Variants in CMTR1 observed in about 807,000 individuals in gnomAD.
CMTR1 encodes the protein cap methyltransferase 1.
Under a neutral mutation model 107.0 loss-of-function variants are expected in CMTR1, and 39 were observed. That is an observed-to-expected ratio of 0.36 (90% CI 0.28 to 0.48). The LOEUF (loss-of-function observed/expected upper bound fraction) is 0.48. Ranked by LOEUF, CMTR1 falls within the 20% of genes least tolerant of loss-of-function variation. CMTR1 has a pLI of 0.99. For synonymous variants in CMTR1, 366 were observed against 379.5 expected (o/e 0.96, Z 0.41); for missense variants, 672 against 1,064.9 (o/e 0.63, Z 5.14).
At chr6:37,451,707 C>A in intron 5 of CMTR1, 99 bp from the exon 6 acceptor site, 1 of 820,634 alleles carries the variant, frequency 1.2e-6, no homozygotes, top group Non-Finnish European at 2.0e-6. Context: ...AGAACCAAGT[C>A]CCTTCTTGCT....
In CMTR1 at chr6:37,462,638, A is replaced by G. The variant is rs370685612; in HGVS notation, c.1326-191A>G. Among the ~76,000 whole-genome samples, 5 of 152,320 alleles carry G rather than the reference A, an allele frequency of 3.3e-5. No homozygotes were observed. The East Asian group carries it at 9.6e-4, about 29-fold the overall frequency. On this transcript the variant is annotated intron_variant, in intron 12 of 23. Coordinates refer to ENST00000373451, the MANE Select transcript of CMTR1 (RefSeq NM_015050.3). ...TAGGAACTACTGCGATAGAGAGTAG[A>G]AATAGAGCTCAACAGAGAAGGATTT... is the stretch of plus-strand genomic sequence containing the variant.
intron 13 of CMTR1, among the ~76,000 whole-genome samples, chr6:37,463,576 G>A (rs1297013823): frequency 6.6e-6 from 1 of 152,038 alleles, no homozygotes; most frequent in Non-Finnish European, 1.5e-5. Context: ...GCAGGCCTTT[G>A]AAAAAAGTGT....
chr6:37,468,464 C>T (rs1761554483), intron 13 of CMTR1, among the ~76,000 whole-genome samples: 1 of 152,152 alleles, frequency 6.6e-6, no homozygotes, highest in Admixed American at 6.5e-5. Flanking sequence ...TTCTGGTGTT[C>T]TTCATTCCTT....
chr6:37,426,654 T>A, the CMTR1 span, among the ~76,000 whole-genome samples: 1 of 151,990 alleles, frequency 6.6e-6, no homozygotes, highest in Non-Finnish European at 1.5e-5. Flanking sequence ...CCACCTCAGC[T>A]TCCCAAGTAG....
rs1227991928 is a variant in CMTR1 at position 37,471,837 on chromosome 6, A to G, written c.1563-10A>G. On this transcript the variant is annotated splice_polypyrimidine_tract_variant and intron_variant, in intron 14 of 23. Transcript: ENST00000373451. ...GAGATTTTAATCACTAACTGGCTTCATATTCCCAGGACACTGAGTGAGCCT... is the reference window on the plus strand; with the variant it reads ...GAGATTTTAATCACTAACTGGCTTCGTATTCCCAGGACACTGAGTGAGCCT... The G allele has an allele frequency of 1.2e-6, 2 of 1,613,648 alleles. No homozygotes were observed. Among genetic ancestry groups the G allele is most frequent in the South Asian group, 1.1e-5 (1 of 91,028 alleles).
In CMTR1 at chr6:37,446,467, G is replaced by C; in HGVS notation, c.444+18G>C. ...AGCCAGAGGTAAGTGTTAAAGTGAG[G>C]AGGAGATGGAAAAGCCACTTGTGTT... is the stretch of plus-strand genomic sequence containing the variant. On this transcript the variant is annotated intron_variant, in intron 4 of 23. Transcript: ENST00000373451. The C allele has an allele frequency of 6.3e-7, 1 of 1,598,046 alleles. No individual in the cohort carries two copies. Among genetic ancestry groups the C allele is most frequent in the Non-Finnish European group, 8.5e-7 (1 of 1,174,170 alleles).
chr6:37,442,944 A>G (rs1050181042), intron 2 of CMTR1, among the ~76,000 whole-genome samples: 2 of 152,238 alleles, frequency 1.3e-5, no homozygotes, highest in South Asian at 4.1e-4. Context: ...ATTATGCCAC[A>G]TTGCTAAGTC....
chr6:37,449,370 G>A (rs548439598), intron 4 of CMTR1, among the ~76,000 whole-genome samples: 1 of 152,136 alleles, frequency 6.6e-6, no homozygotes, highest in East Asian at 1.9e-4. Context: ...GTGCAGTGGC[G>A]CAATCTCGGC....
intron 22 of CMTR1, 119 bp from the exon 23 acceptor site, chr6:37,479,028 C>CGGAA (rs1325588554): frequency 1.5e-6 from 1 of 680,560 alleles, no homozygotes; most frequent in African/African-American, 1.8e-5. Flanking sequence ...CGGGCTATTC[C>CGGAA]CTGCTTGCTT....
chr6:37,468,056 G>GC (rs1046431719), intron 13 of CMTR1, among the ~76,000 whole-genome samples: 1 of 145,306 alleles, frequency 6.9e-6, no homozygotes, highest in Admixed American at 6.8e-5. Context: ...CTGTTTTGTG[G>GC]GGGGGGGGAC....
chr6:37,440,886 C>T (rs1272702354), intron 2 of CMTR1, among the ~76,000 whole-genome samples: 1 of 152,208 alleles, frequency 6.6e-6, no homozygotes, highest in Non-Finnish European at 1.5e-5. Context: ...GGCCCTCAGG[C>T]AAATCTAACA....
At chr6:37,453,346 G>T (rs776911344) in intron 8 of CMTR1, 34 bp downstream of exon 8, 1 of 1,584,848 alleles carries the variant, frequency 6.3e-7, no homozygotes, top group South Asian at 1.1e-5. Flanking sequence ...AATTCATGGT[G>T]CTAAGAGGGC....
chr6:37,481,215 C>G lies in CMTR1; in HGVS notation c.*1070C>G, dbSNP rs1025381173. 66 of 1,105,480 alleles carry G rather than the reference C, an allele frequency of 6.0e-5. No homozygotes were observed. Among genetic ancestry groups the G allele is most frequent in the African/African-American group, 1.3e-4 (8 of 60,128 alleles). The allele number at this position is 1,105,480 out of a possible 1,614,324, so 68.5% of individuals were successfully genotyped here. A position where few individuals can be genotyped will look rare whatever the true frequency, so the allele number is the denominator to read the frequency against. ...GAGAGGAGGGGGAGCTGGGCAGTAG[C>G]TTGGGGTGGGGGTGGGCACCTGTGG... On this transcript the variant is annotated 3_prime_UTR_variant, in exon 24 of 24. Coordinates refer to ENST00000373451, the MANE Select transcript of CMTR1 (RefSeq NM_015050.3).
chr6:37,477,586 C>T lies in CMTR1; in HGVS notation c.2106-6C>T. On this transcript the variant is annotated splice_region_variant and splice_polypyrimidine_tract_variant and intron_variant, in intron 20 of 23. Coordinates refer to ENST00000373451, the MANE Select transcript of CMTR1 (RefSeq NM_015050.3). ...CTTTGTCTTGTCTCTGTCCCTCTAC[C>T]TGCAGGGTGAAGGAGGTGTACAGAC... The T allele has an allele frequency of 1.2e-6, 2 of 1,613,616 alleles. No individual in the cohort carries two copies. Among genetic ancestry groups the T allele is most frequent in the South Asian group, 1.1e-5 (1 of 91,068 alleles).
upstream of CMTR1, among the ~76,000 whole-genome samples, chr6:37,432,701 T>G (rs1236984557): frequency 6.6e-6 from 1 of 152,210 alleles, no homozygotes; most frequent in African/African-American, 2.4e-5. Context: ...TGAGTGAGGA[T>G]GTCCAACAGA....
chr6:37,443,036 G>C (rs1771707136), intron 2 of CMTR1, among the ~76,000 whole-genome samples: 2 of 152,206 alleles, frequency 1.3e-5, no homozygotes, highest in Admixed American at 1.3e-4. Flanking sequence ...AAGATAGCCA[G>C]TGTAAACTTT....
In CMTR1 at chr6:37,480,990, G is replaced by A. The variant is rs1445228004; in HGVS notation, c.*845G>A. 6 of 1,297,728 alleles carry A rather than the reference G, an allele frequency of 4.6e-6. No homozygotes were observed. The highest frequency in any genetic ancestry group is 6.1e-6 in the Non-Finnish European group (6 of 986,574). The allele number at this position is 1,297,728 out of a possible 1,614,324, so 80.4% of individuals were successfully genotyped here. On this transcript the variant is annotated 3_prime_UTR_variant, in exon 24 of 24. Coordinates refer to ENST00000373451, the MANE Select transcript of CMTR1 (RefSeq NM_015050.3). The stretch of plus-strand genomic sequence containing the variant: ...GCAGTAACAAAGGGTACCTCCAGGG[G>A]TTTGGGTAGCGCTGCCCTCTGGCAG...
At chr6:37,435,576 A>G (rs199525755) in intron 1 of CMTR1, 48 bp from the exon 2 acceptor site, 260 of 1,569,646 alleles carry the variant, frequency 1.7e-4, no homozygotes, top group South Asian at 2.8e-4. Context: ...CTGTGATCCC[A>G]GTGGCTGTGA....
chr6:37,436,136 C>A (rs1011766701), intron 2 of CMTR1, among the ~76,000 whole-genome samples: 1 of 152,166 alleles, frequency 6.6e-6, no homozygotes, highest in Non-Finnish European at 1.5e-5. Flanking sequence ...TTGCTGCGGC[C>A]GTCGAGCCTA....
Sources: gnomAD v4.1 joint callset for allele counts (sites outside exome capture counted in the v4.1 genomes callset) on GRCh38, gnomAD v4.1.1 for gene constraint, MANE v1.5 for transcripts, NCBI Gene and HGNC (gene_info 2026-07-23, HGNC 2026-07-21) for gene names.